Variants in ARMC2 observed in about 807,000 individuals in gnomAD.
The protein encoded by ARMC2 is armadillo repeat containing 2.
Under a neutral mutation model 90.3 loss-of-function variants are expected in ARMC2, and 67 were observed. The observed-to-expected ratio is 0.74, with a 90% CI of 0.61 to 0.91. The LOEUF is 0.91. Ranked by LOEUF, ARMC2 falls within the 40% of genes least tolerant of loss-of-function variation. The probability of loss-of-function intolerance (pLI) is 0.00; values close to 1 mark genes in which losing one functional copy is unlikely to be tolerated. For synonymous variants in ARMC2, 393 were observed against 393.0 expected, an observed-to-expected ratio of 1.00 and a Z score of 0.00; for missense variants, 920 against 1,030.9, an observed-to-expected ratio of 0.89 and a Z score of 1.47.
chr6:109,011,274 A>G, the ARMC2 span, among the ~76,000 whole-genome samples: 1 of 152,248 alleles, frequency 6.6e-6, no homozygotes, highest in Non-Finnish European at 1.5e-5. Context: ...ATAAATATTT[A>G]TTGAAGAAAT....
At chr6:108,907,477 T>TTTTTTA (rs58992504) in intron 8 of ARMC2, 3 of 348,556 alleles carry the variant, frequency 8.6e-6, no homozygotes, top group Non-Finnish European at 1.5e-5. Flanking sequence ...TTTTTTTTTT[T>TTTTTTA]ACCAGTCATC....
At chr6:108,858,667 GTC>G (rs138070654) in intron 3 of ARMC2, among the ~76,000 whole-genome samples, 8 of 150,568 alleles carry the variant, frequency 5.3e-5, no homozygotes, top group Non-Finnish European at 8.9e-5. Flanking sequence ...TTTATATGTA[GTC>G]TCTCTATATA....
At chr6:109,042,454 C>G in the ARMC2 span, among the ~76,000 whole-genome samples, 1 of 150,874 alleles carries the variant, frequency 6.6e-6, no homozygotes, top group African/African-American at 2.4e-5. Context: ...TGAAAAACCT[C>G]TAGCAAGACT....
At chr6:108,997,226 C>G in the ARMC2 span, among the ~76,000 whole-genome samples, 1 of 152,160 alleles carries the variant, frequency 6.6e-6, no homozygotes, top group Non-Finnish European at 1.5e-5. Flanking sequence ...TATCTTCTTT[C>G]ACTATTCATT....
At chr6:109,000,475 T>C in the ARMC2 span, 15 of 1,496,572 alleles carry the variant, frequency 1.0e-5, no homozygotes, top group Non-Finnish European at 1.3e-5. Context: ...CCAAGATATA[T>C]TACCCCACTG....
intron 5 of ARMC2, among the ~76,000 whole-genome samples, chr6:108,881,898 C>T (rs1420489828): frequency 6.6e-6 from 1 of 152,126 alleles, no homozygotes; most frequent in Admixed American, 6.6e-5. Context: ...TACAGAATAC[C>T]TCCGTTCGCT....
At chr6:108,901,098 A>ATTT (rs1173637475) in intron 7 of ARMC2, among the ~76,000 whole-genome samples, 671 of 59,366 alleles carry the variant, frequency 0.011, 166 homozygotes, top group Middle Eastern at 0.023. Flanking sequence ...GAAAGAAGGA[A>ATTT]TTTTTTTTTT....
the ARMC2 span, among the ~76,000 whole-genome samples, chr6:109,037,457 C>G: frequency 6.6e-6 from 1 of 151,984 alleles, no homozygotes; most frequent in Non-Finnish European, 1.5e-5. Context: ...TGAAATACAC[C>G]AAGATGTTAA....
chr6:108,888,306 TC>T (rs1770575958), intron 5 of ARMC2, among the ~76,000 whole-genome samples: 1 of 152,184 alleles, frequency 6.6e-6, no homozygotes, highest in Non-Finnish European at 1.5e-5. Flanking sequence ...CAATCGCACA[TC>T]CTATCATTTA....
chr6:108,977,944 A>G (rs1012004050), downstream of ARMC2, among the ~76,000 whole-genome samples: 1 of 152,182 alleles, frequency 6.6e-6, no homozygotes, highest in African/African-American at 2.4e-5. Context: ...CTTTTCAAAA[A>G]ACCAGCTCCT....
rs544066283 is a variant in ARMC2 at position 108,855,497 on chromosome 6, C to G, written c.218+1012C>G. Reference sequence around the variant, plus strand: ...TGATCTCCTGACCTCATGATCCACCCGCCTCTGCCTCCCAAAGTGCTGGGA... The same window carrying G: ...TGATCTCCTGACCTCATGATCCACCGGCCTCTGCCTCCCAAAGTGCTGGGA... On this transcript the variant is annotated intron_variant, in intron 2 of 17. Transcript: ENST00000392644. 2.0e-5 allele frequency among the ~76,000 whole-genome samples: 3 copies of G among 152,194 alleles called. 1 individual carries two copies. The highest frequency in any genetic ancestry group is 4.1e-4 in the South Asian group (2 of 4,828).
intron 10 of ARMC2, among the ~76,000 whole-genome samples, chr6:108,924,285 A>G (rs1191520395): frequency 6.6e-6 from 1 of 152,092 alleles, no homozygotes; most frequent in Non-Finnish European, 1.5e-5. Context: ...TGGGAGGCCG[A>G]GGCGGGCGGA....
intron 3 of ARMC2, among the ~76,000 whole-genome samples, chr6:108,867,626 C>T (rs1254444149): frequency 6.6e-6 from 1 of 152,060 alleles, no homozygotes; most frequent in Non-Finnish European, 1.5e-5. Context: ...AAAAAATTAG[C>T]CAAGTGTGCT....
rs1388878031 is a variant in ARMC2 at position 108,890,213 on chromosome 6, A to C, written c.672-4254A>C. ...TCAAAAAAAAAAAAAAAAAAAAAAAAAAAAAAAAAAAAAAAACAGTGGTTT... is the reference window on the plus strand; with the variant it reads ...TCAAAAAAAAAAAAAAAAAAAAAAACAAAAAAAAAAAAAAAACAGTGGTTT... On this transcript the variant is annotated intron_variant, in intron 5 of 17. Transcript: ENST00000392644. 5.7e-5 allele frequency among the ~76,000 whole-genome samples: 8 copies of C among 140,530 alleles called. No homozygotes were observed. In the East Asian group the frequency reaches 1.3e-3, roughly 22 times the overall value. 92.2% of individuals were successfully genotyped at this position (140,530 alleles called of 152,430 possible). A position where few individuals can be genotyped will look rare whatever the true frequency, so the allele number is the denominator to read the frequency against.
chr6:109,009,191 G>GC, the ARMC2 span, among the ~76,000 whole-genome samples: 2 of 152,216 alleles, frequency 1.3e-5, no homozygotes, highest in Non-Finnish European at 2.9e-5. Flanking sequence ...GCGCAGGAGG[G>GC]CCGGGACGCT....
chr6:108,883,106 T>C (rs1430444899), intron 5 of ARMC2, among the ~76,000 whole-genome samples: 1 of 152,220 alleles, frequency 6.6e-6, no homozygotes, highest in Admixed American at 6.5e-5. Flanking sequence ...CTCTCCCGGC[T>C]GAATGAACAA....
intron 9 of ARMC2, 93 bp from the exon 10 acceptor site, chr6:108,912,242 C>A: frequency 2.3e-6 from 2 of 861,638 alleles, no homozygotes; most frequent in Non-Finnish European, 3.5e-6. Context: ...ATATATTTTA[C>A]GAAGTGTATT....
intron 3 of ARMC2, 62 bp from the exon 4 acceptor site, chr6:108,868,762 G>C: frequency 2.0e-6 from 3 of 1,521,086 alleles, no homozygotes; most frequent in Non-Finnish European, 2.7e-6. Flanking sequence ...GGCCAGCTCT[G>C]AGGTAAGTGT....
chr6:109,046,025 A>G, the ARMC2 span, among the ~76,000 whole-genome samples: 1 of 152,206 alleles, frequency 6.6e-6, no homozygotes, highest in Non-Finnish European at 1.5e-5. Flanking sequence ...TAATTCATAT[A>G]CTTTGGAACA....
Sources: gnomAD v4.1 joint callset for allele counts (sites outside exome capture counted in the v4.1 genomes callset) on GRCh38, gnomAD v4.1.1 for gene constraint, MANE v1.5 for transcripts, NCBI Gene and HGNC (gene_info 2026-07-23, HGNC 2026-07-21) for gene names.